Variants in KLK3 observed in about 807,000 individuals in gnomAD.
KLK3 encodes prostate-specific antigen.
A neutral mutation model predicts 27.7 loss-of-function variants in KLK3; 23 were observed. That is an observed-to-expected ratio of 0.83 (90% CI 0.60 to 1.17). KLK3 has a LOEUF of 1.17. Among genes scored for constraint, KLK3 ranks in the 50% most tolerant of loss-of-function variants. The pLI is 0.00. For missense variants in KLK3, 322 were observed against 338.1 expected, an observed-to-expected ratio of 0.95 and a Z score of 0.37; for synonymous variants, 142 against 134.2, an observed-to-expected ratio of 1.06 and a Z score of -0.40.
chr19:50,856,215 C>T (rs745956089), intron 1 of KLK3, 25 bp from the exon 2 acceptor site: 3 of 1,601,564 alleles, frequency 1.9e-6, no homozygotes, highest in Admixed American at 1.7e-5. Context: ...ACCCTGATTC[C>T]CCTGATCTAG....
At chr19:50,858,658 T>A (rs755233454) in intron 4 of KLK3, 63 bp downstream of exon 4, 1 of 1,596,236 alleles carries the variant, frequency 6.3e-7, no homozygotes, top group East Asian at 2.2e-5. Context: ...AATTCTGGGC[T>A]GGGGTCTAGA....
intron 4 of KLK3, among the ~76,000 whole-genome samples, chr19:50,859,376 G>A (rs1050350028): frequency 6.6e-6 from 1 of 152,062 alleles, no homozygotes; most frequent in Non-Finnish European, 1.5e-5. Flanking sequence ...CAGACTGCAG[G>A]GAGGGAGGGC....
In KLK3 at chr19:50,856,259, G is replaced by A. The variant is rs1331986481; in HGVS notation, c.66G>A (p.Leu22=). 6.2e-7 allele frequency: 1 copy of A among 1,612,772 alleles called. No homozygotes were observed. The highest frequency in any genetic ancestry group is 8.5e-7 in the Non-Finnish European group (1 of 1,179,910). The change falls in exon 2 of 5, where the codon CTG becomes CTA. Residue 22 remains leucine (L), a synonymous_variant. Transcript: ENST00000326003. The part of the protein sequence containing the change: ...VTWIGAAPLI[L]SRIVGGWECE... ...CTGCAGGTGCTGCACCCCTCATCCTGTCTCGGATTGTGGGAGGCTGGGAGT... is the reference window on the plus strand; with the variant it reads ...CTGCAGGTGCTGCACCCCTCATCCTATCTCGGATTGTGGGAGGCTGGGAGT...
At chr19:50,859,629 C>G in intron 4 of KLK3, 2 of 1,612,224 alleles carry the variant, frequency 1.2e-6, no homozygotes, top group Non-Finnish European at 1.7e-6. Context: ...AGAGAGTAGT[C>G]CTGGAAGGTG....
intron 4 of KLK3, chr19:50,858,815 G>T: frequency 1.6e-6 from 1 of 613,938 alleles, no homozygotes; most frequent in Admixed American, 2.9e-5. Context: ...CCTGCGTTCA[G>T]CACACGGTTA....
chr19:50,859,564 C>T (rs1234272474), intron 4 of KLK3: 4 of 1,613,666 alleles, frequency 2.5e-6, no homozygotes. Context: ...ACCATGCCAG[C>T]CCTGCCGATG....
At chr19:50,858,388 A>G (rs1810020) in intron 3 of KLK3, 71 bp from the exon 4 acceptor site, 1,478,285 of 1,607,370 alleles carry the variant, frequency 0.92, 685,641 homozygotes, top group Non-Finnish European at 0.95. Context: ...CAGGACTCCT[A>G]GGTCTGAGGG....
At chr19:50,857,816 G>A in intron 2 of KLK3, 1 of 548,786 alleles carries the variant, frequency 1.8e-6, no homozygotes, top group Non-Finnish European at 3.2e-6. Flanking sequence ...TTTTTCCCTT[G>A]GTTTCTCTCA....
chr19:50,859,574 G>A (rs774699638), intron 4 of KLK3: 1 of 1,613,860 alleles, frequency 6.2e-7, no homozygotes, highest in Admixed American at 1.7e-5. Context: ...CCCTGCCGAT[G>A]GTCCTCCATG....
Position 50,858,539 on chromosome 19 carries a change from G to A in KLK3, c.574G>A (p.Val192Met), listed in dbSNP as rs376934756. 1 of 1,614,212 alleles carries A rather than the reference G, an allele frequency of 6.2e-7. No homozygotes were observed. The highest frequency in any genetic ancestry group is 1.1e-5 in the South Asian group (1 of 91,080). ...GTGTGCGCAAGTTCACCCTCAGAAG[G>A]TGACCAAGTTCATGCTGTGTGCTGG... is the stretch of plus-strand genomic sequence containing the variant. The part of the protein sequence containing the change: ...DVCAQVHPQK[V>M]TKFMLCAGRW... Residue 192 changes from valine to methionine, a missense_variant, in exon 4 of 5, where the codon GTG becomes ATG. Transcript: ENST00000326003.
At chr19:50,857,911 A>C in intron 2 of KLK3, 118 bp from the exon 3 acceptor site, 1 of 1,139,412 alleles carries the variant, frequency 8.8e-7, no homozygotes, top group Non-Finnish European at 1.2e-6. Flanking sequence ...GTCTTCCCCA[A>C]CCCTGTGTTT....
At chr19:50,855,221 A>G (rs1449105797) in intron 1 of KLK3, 7 of 563,530 alleles carry the variant, frequency 1.2e-5, no homozygotes, top group Non-Finnish European at 2.2e-5. Context: ...TTACCCCAGA[A>G]CTTTCTCCCC....
In KLK3 at chr19:50,860,081, T is replaced by G; in HGVS notation, c.740T>G (p.Val247Gly). ...PERPSLYTKV[V>G]HYRKWIKDTI... ...AGGCCTTCCCTGTACACCAAGGTGG[T>G]GCATTACCGGAAGTGGATCAAGGAC... The change falls in exon 5 of 5, where the codon GTG (valine) becomes GGG (glycine). Residue 247 changes from valine (V) to glycine (G), a missense_variant. Transcript: ENST00000326003. 2 of 1,614,066 alleles carry G rather than the reference T, an allele frequency of 1.2e-6. No individual in the cohort carries two copies. The highest frequency in any genetic ancestry group is 1.7e-4 in the Middle Eastern group (1 of 6,058).
intron 2 of KLK3, among the ~76,000 whole-genome samples, chr19:50,857,162 C>CAAAAAAAAAAA (rs560911495): frequency 1.4e-3 from 67 of 46,354 alleles, no homozygotes; most frequent in East Asian, 2.1e-3. Flanking sequence ...GACTCCGCCT[C>CAAAAAAAAAAA]AAAAAAAAAA....
chr19:50,858,907 G>GT (rs2090166759), intron 4 of KLK3: 1 of 497,328 alleles, frequency 2.0e-6, no homozygotes, highest in African/African-American at 1.9e-5. Flanking sequence ...CCTCCCTTCT[G>GT]TAGCCCCCAA....
intron 2 of KLK3, 182 bp downstream of exon 2, chr19:50,856,581 G>T: frequency 1.6e-6 from 1 of 615,312 alleles, no homozygotes; most frequent in East Asian, 3.0e-5. Context: ...TGGCTGCCTG[G>T]GTCTCCATCT....
rs1192131078 is a variant in KLK3, at chr19:50,858,075, G to A, written c.253G>A (p.Asp85Asn). Reference protein sequence around the residue: ...LGRHSLFHPEDTGQVFQVSHS... With the variant: ...LGRHSLFHPENTGQVFQVSHS... The stretch of plus-strand genomic sequence containing the variant: ...TCGGCACAGCCTGTTTCATCCTGAA[G>A]ACACAGGCCAGGTATTTCAGGTCAG... Residue 85 changes from aspartate to asparagine, a missense_variant, in exon 3 of 5, where the codon GAC (aspartate) becomes AAC (asparagine). Transcript: ENST00000326003. 6.2e-7 allele frequency: 1 copy of A among 1,613,916 alleles called. No individual in the cohort carries two copies. Among genetic ancestry groups the A allele is most frequent in the East Asian group, 2.2e-5 (1 of 44,874 alleles).
At position 50,856,173 on chromosome 19, in the gene KLK3, C is replaced by G. The variant is rs555261704; in HGVS notation, c.47-67C>G. The G allele has an allele frequency of 9.8e-6, 14 of 1,434,446 alleles. No homozygotes were observed. In the Admixed American group the frequency reaches 1.3e-4, roughly 13 times the overall value. 88.9% of individuals were successfully genotyped at this position (1,434,446 alleles called of 1,614,324 possible). A position where few individuals can be genotyped will look rare whatever the true frequency, so the allele number is the denominator to read the frequency against. ...TTTCAAACCCACATCCTAAATCCAT[C>G]TCCTATCCGAGTCCCCCAGTTCCTC... is the stretch of plus-strand genomic sequence containing the variant. On this transcript the variant is annotated intron_variant, in intron 1 of 4. Coordinates refer to ENST00000326003, the MANE Select transcript of KLK3 (RefSeq NM_001648.2).
Position 50,860,313 on chromosome 19 carries a change from T to C in KLK3, c.*186T>C. 1.9e-6 allele frequency: 1 copy of C among 520,506 alleles called. No individual in the cohort carries two copies. The highest frequency in any genetic ancestry group is 3.5e-6 in the Non-Finnish European group (1 of 287,874). The allele number at this position is 520,506 out of a possible 1,614,324, so 32.2% of individuals were successfully genotyped here. The stretch of plus-strand genomic sequence containing the variant: ...TTAAATGGTGTAATTTTGTCCTCTC[T>C]GTGTCCTGGGGAATACTGGCCATGC... On this transcript the variant is annotated 3_prime_UTR_variant, in exon 5 of 5. Transcript: ENST00000326003.
Sources: gnomAD v4.1 joint callset for allele counts (sites outside exome capture counted in the v4.1 genomes callset) on GRCh38, gnomAD v4.1.1 for gene constraint, MANE v1.5 for transcripts, NCBI Gene and HGNC (gene_info 2026-07-23, HGNC 2026-07-21) for gene names.